The following MICAL3 variants were observed in gnomAD, a reference collection of about 807,000 sequenced individuals.
MICAL3 encodes microtubule associated monooxygenase, calponin and LIM domain containing 3.
A neutral mutation model predicts 207.4 loss-of-function variants in MICAL3; 62 were observed. The ratio of observed to expected loss-of-function variants is 0.30; its 90% CI spans 0.24 to 0.37. MICAL3 has a LOEUF of 0.37. Ranked by LOEUF, MICAL3 falls within the 10% of genes least tolerant of loss-of-function variation. MICAL3 has a pLI of 1.00. For missense variants in MICAL3, 2,368 were observed against 2,635.6 expected (o/e 0.90, Z 2.22); for synonymous variants, 1,077 against 1,069.3 (o/e 1.01, Z -0.14).
At chr22:18,010,777 G>A (rs891406113) in intron 1 of MICAL3, among the ~76,000 whole-genome samples, 2 of 152,254 alleles carry the variant, frequency 1.3e-5, no homozygotes, top group South Asian at 2.1e-4. Flanking sequence ...ATACTAACAT[G>A]TTCATAGCCA....
At chr22:17,864,337 G>A (rs540388537) in intron 19 of MICAL3, 4 of 1,222,588 alleles carry the variant, frequency 3.3e-6, no homozygotes, top group Admixed American at 7.5e-5. Flanking sequence ...TCACGGTGCA[G>A]GGCAGACAGG....
At position 17,975,497 on chromosome 22, in the gene MICAL3, G is replaced by A. The variant is rs191567444; in HGVS notation, c.-75+48784C>T. 2.1e-3 allele frequency among the ~76,000 whole-genome samples: 317 copies of A among 151,620 alleles called. 1 individual carries two copies. The highest frequency in any genetic ancestry group is 0.01 in the Middle Eastern group (3 of 294). ...TTTCCCTTGCCTTCCATATTTTTCC[G>A]CTCCCATGCCCCACACCCAGCCCCC... On this transcript the variant is annotated intron_variant, in intron 1 of 31. Coordinates refer to ENST00000441493, the MANE Select transcript of MICAL3 (RefSeq NM_015241.3).
rs1372745981 is a variant in MICAL3, at chr22:17,864,912, A to G, written c.2592T>C (p.Thr864=). ...AAGTGAGGCTACCTGGGGTTCTCTC[A>G]GTGGAGCTGGCCACGGCGTTGGCCC... is the stretch of plus-strand genomic sequence containing the variant. The part of the protein sequence containing the change: ...NGRANAVASS[T]ERTPGSGVNG... The change falls in exon 19 of 32, where the codon ACT becomes ACC. Residue 864 remains threonine, a synonymous_variant. Coordinates refer to ENST00000441493, the MANE Select transcript of MICAL3 (RefSeq NM_015241.3). 1.2e-6 allele frequency: 2 copies of G among 1,613,774 alleles called. No individual in the cohort carries two copies. The highest frequency in any genetic ancestry group is 2.2e-5 in the South Asian group (2 of 91,064).
At position 17,817,692 on chromosome 22, in the gene MICAL3, C is replaced by T. The variant is rs776838721; in HGVS notation, c.4969G>A (p.Gly1657Ser). 6.2e-7 allele frequency: 1 copy of T among 1,604,836 alleles called. No homozygotes were observed. Among genetic ancestry groups the T allele is most frequent in the African/African-American group, 1.3e-5 (1 of 74,640 alleles). The change falls in exon 26 of 32, where the codon GGC (glycine) becomes AGC (serine). Residue 1657 changes from glycine (G) to serine (S), a missense_variant. Transcript: ENST00000441493. The stretch of plus-strand genomic sequence containing the variant: ...TGCTTCAGGGTGGGCTCCTCGGAGC[C>T]CCTGAGAGTGGGGCGTGTGGGGGAG... The part of the protein sequence containing the change: ...PDSPTRPTLR[G>S]SEEPTLKHEA...
intron 1 of MICAL3, among the ~76,000 whole-genome samples, chr22:17,946,536 G>A (rs746093559): frequency 2.0e-5 from 3 of 152,120 alleles, no homozygotes; most frequent in Non-Finnish European, 4.4e-5. Flanking sequence ...CTGCAGCCCC[G>A]GAATGTCTCA....
At position 17,887,518 on chromosome 22, in the gene MICAL3, T is replaced by A. The variant is rs905963891; in HGVS notation, c.1892-83A>T. The A allele has an allele frequency of 1.1e-5, 9 of 851,076 alleles. No homozygotes were observed. The African/African-American group carries it at 1.2e-4, about 11-fold the overall frequency. The allele number at this position is 851,076 out of a possible 1,614,324, so 52.7% of individuals were successfully genotyped here. A position where few individuals can be genotyped will look rare whatever the true frequency, so the allele number is the denominator to read the frequency against. On this transcript the variant is annotated intron_variant, in intron 13 of 31. Coordinates refer to ENST00000441493, the MANE Select transcript of MICAL3 (RefSeq NM_015241.3). ...GACCAAAACTACTCTCCCTCGTGGATGGTTCGCAGAGCCTCAGAAGGCTCT... is the reference window on the plus strand; with the variant it reads ...GACCAAAACTACTCTCCCTCGTGGAAGGTTCGCAGAGCCTCAGAAGGCTCT...
intron 29 of MICAL3, among the ~76,000 whole-genome samples, chr22:17,804,079 G>C (rs573198843): frequency 1.3e-5 from 2 of 152,162 alleles, no homozygotes; most frequent in African/African-American, 4.8e-5. Context: ...GCGTGGCTGC[G>C]GGAGGAGGGC....
In MICAL3 at chr22:17,900,452, A is replaced by G. The variant is rs1287187482; in HGVS notation, c.847+390T>C. On this transcript the variant is annotated intron_variant, in intron 6 of 31. Transcript: ENST00000441493. The surrounding 1 kb of genome is among the most constrained non-coding windows in gnomAD (Gnocchi z 4.0). ...TCCGTCTCTACAAGTAATACGAAAA[A>G]TTAGCCAGGCATGGTGGAGCTTGCC... Among the ~76,000 whole-genome samples the G allele has an allele frequency of 6.6e-6, 1 of 152,170 alleles. No individual in the cohort carries two copies.
intron 1 of MICAL3, among the ~76,000 whole-genome samples, chr22:17,991,020 G>A (rs1288410248): frequency 6.6e-6 from 1 of 152,248 alleles, no homozygotes. Context: ...GAAAGCAACT[G>A]CACACGGAGC....
chr22:17,876,255 G>C (rs1928326305), intron 16 of MICAL3, among the ~76,000 whole-genome samples: 1 of 152,200 alleles, frequency 6.6e-6, no homozygotes, highest in Non-Finnish European at 1.5e-5. Context: ...CAGAGATTGA[G>C]GCAGTGACCG....
At chr22:17,858,514 G>A (rs1926170798) in intron 19 of MICAL3, 1 of 982,818 alleles carries the variant, frequency 1.0e-6, no homozygotes. Context: ...AGCTCCACAT[G>A]GGTGTTTTTA....
intron 1 of MICAL3, among the ~76,000 whole-genome samples, chr22:18,022,808 T>C (rs995286022): frequency 2.0e-5 from 3 of 152,174 alleles, no homozygotes; most frequent in Admixed American, 1.3e-4. Flanking sequence ...CTCTGGTTAG[T>C]ACATAGGCAG....
chr22:17,971,095 T>C (rs1356981875), intron 1 of MICAL3, among the ~76,000 whole-genome samples: 1 of 152,106 alleles, frequency 6.6e-6, no homozygotes, highest in African/African-American at 2.4e-5. Flanking sequence ...GAAGACCACT[T>C]GAGCCCCAGA....
rs751601631 is a variant in MICAL3, at chr22:17,885,963, T to C, written c.2156A>G (p.Gln719Arg). 1.2e-6 allele frequency: 2 copies of C among 1,613,940 alleles called. No homozygotes were observed. The highest frequency in any genetic ancestry group is 1.7e-6 in the Non-Finnish European group (2 of 1,179,904). The change falls in exon 16 of 32, where the codon CAG (glutamine) becomes CGG (arginine). Residue 719 changes from glutamine to arginine, a missense_variant. By Grantham distance (43) the Gln-to-Arg change is conservative. Around this residue, in one of 4 missense-constraint regions of MICAL3, gnomAD observed 1,770 missense variants for 1,863.2 expected, o/e 0.95. Coordinates refer to ENST00000441493, the MANE Select transcript of MICAL3 (RefSeq NM_015241.3). Reference protein sequence around the residue: ...DRRMDVAVGNQNKVKYMATQL... With the variant: ...DRRMDVAVGNRNKVKYMATQL... Reference sequence around the variant, plus strand: ...GGTCGCCATGTACTTCACTTTGTTCTGGTTCCCAACGGCAACGTCCATCCT... The same window carrying C: ...GGTCGCCATGTACTTCACTTTGTTCCGGTTCCCAACGGCAACGTCCATCCT...
chr22:17,841,432 G>A lies in MICAL3; in HGVS notation c.2801+390C>T, dbSNP rs945988762. On this transcript the variant is annotated intron_variant, in intron 20 of 31. Transcript: ENST00000441493. The surrounding 1 kb of genome is among the most constrained non-coding windows in gnomAD (Gnocchi z 4.2). ...GGAGAAAAAAAGATGCCTGGGGGAC[G>A]GACTAGGCCTCCCTCAAGACGGCCC... 5.4e-6 allele frequency: 2 copies of A among 371,680 alleles called. No individual in the cohort carries two copies. Among genetic ancestry groups the A allele is most frequent in the Non-Finnish European group, 9.7e-6 (2 of 205,380 alleles). The allele number at this position is 371,680 out of a possible 1,614,324, so 23.0% of individuals were successfully genotyped here.
chr22:17,803,848 C>T, intron 29 of MICAL3: 2 of 985,788 alleles, frequency 2.0e-6, no homozygotes, highest in Non-Finnish European at 2.4e-6. Context: ...TGTAATAAGA[C>T]TCTCCCCAAT....
intron 1 of MICAL3, among the ~76,000 whole-genome samples, chr22:18,022,036 T>A (rs1313605334): frequency 6.6e-6 from 1 of 152,168 alleles, no homozygotes; most frequent in African/African-American, 2.4e-5. Flanking sequence ...TTTTCTAGTT[T>A]ATGTAAAATT....
At chr22:17,939,863 T>C (rs1461305417) in intron 1 of MICAL3, among the ~76,000 whole-genome samples, 1 of 152,184 alleles carries the variant, frequency 6.6e-6, no homozygotes, top group East Asian at 1.9e-4. Flanking sequence ...CATGGAAACT[T>C]GGATAACCAA....
In MICAL3 at chr22:17,902,719, C is replaced by CT; in HGVS notation, c.500_501insA (p.Lys168GlufsTer9). The stretch of plus-strand genomic sequence containing the variant: ...CAATGCCTAGGATCAAGGCTACTTT[C>CT]AAAAGTATTAGTTGGAGCTGACGGA... On this transcript the variant is annotated frameshift_variant, in exon 4 of 32. Transcript: ENST00000441493. LOFTEE classifies it high-confidence loss of function. This position sits in a 1 kb window ranked among gnomAD's most constrained non-coding sequence, Gnocchi z 4.5. 6.2e-7 allele frequency: 1 copy of CT among 1,602,138 alleles called. No homozygotes were observed. Among genetic ancestry groups the CT allele is most frequent in the Non-Finnish European group, 8.5e-7 (1 of 1,173,396 alleles).
Sources: gnomAD v4.1 joint callset for allele counts (sites outside exome capture counted in the v4.1 genomes callset) on GRCh38, gnomAD v4.1.1 for gene constraint, gnomAD v4.1.1 regional missense constraint, Gnocchi (gnomAD v3.1) non-coding constraint, MANE v1.5 for transcripts, NCBI Gene and HGNC (gene_info 2026-07-23, HGNC 2026-07-21) for gene names.